Variants in CACNA1A observed in about 807,000 individuals in gnomAD.
CACNA1A encodes calcium voltage-gated channel subunit alpha1 A.
A neutral mutation model predicts 262.4 loss-of-function variants in CACNA1A; 57 were observed. The ratio of observed to expected loss-of-function variants is 0.22; its 90% CI spans 0.18 to 0.27. The LOEUF (loss-of-function observed/expected upper bound fraction) is 0.27. CACNA1A is among the 10% of genes least tolerant of loss of function. The pLI is 1.00. For missense variants in CACNA1A, 2,526 were observed against 3,562.8 expected (o/e 0.71, Z 7.41); for synonymous variants, 1,431 against 1,419.3 (o/e 1.01, Z -0.18).
intron 1 of CACNA1A, among the ~76,000 whole-genome samples, chr19:13,491,005 AAAGGAAGG>A (rs879736907): frequency 2.0e-5 from 3 of 150,200 alleles, no homozygotes; most frequent in South Asian, 2.1e-4. Context: ...AGGAAGGAAG[AAAGGAAGG>A]AAGGAAGGAA....
At position 13,245,316 on chromosome 19, in the gene CACNA1A, G is replaced by A. The variant is rs540046076; in HGVS notation, c.4867-51C>T. 326 of 1,467,878 alleles carry A rather than the reference G, an allele frequency of 2.2e-4. 1 individual carries two copies. In the Middle Eastern group the frequency reaches 2.9e-3, roughly 13 times the overall value. 90.9% of individuals were successfully genotyped at this position (1,467,878 alleles called of 1,614,324 possible). A position where few individuals can be genotyped will look rare whatever the true frequency, so the allele number is the denominator to read the frequency against. The stretch of plus-strand genomic sequence containing the variant: ...GATGCCAACAGAGGGCTTGGTTCCC[G>A]GCCCCCTAGGCTGGCCGGGTGCATG... On this transcript the variant is annotated intron_variant, in intron 30 of 46. Transcript: ENST00000360228.
intron 3 of CACNA1A, among the ~76,000 whole-genome samples, chr19:13,448,501 ATAAAAG>A (rs1248003313): frequency 1.3e-5 from 2 of 152,140 alleles, no homozygotes; most frequent in African/African-American, 4.8e-5. Context: ...TAAACTTAAA[ATAAAAG>A]TAAAACAAAA....
At chr19:13,419,077 T>C (rs192876740) in intron 3 of CACNA1A, among the ~76,000 whole-genome samples, 1 of 152,178 alleles carries the variant, frequency 6.6e-6, no homozygotes, top group East Asian at 1.9e-4. Flanking sequence ...CATTTTTCAG[T>C]AAAGAAGGAG....
intron 1 of CACNA1A, among the ~76,000 whole-genome samples, chr19:13,455,924 T>A (rs1015453788): frequency 6.9e-6 from 1 of 145,844 alleles, no homozygotes; most frequent in Non-Finnish European, 1.5e-5. Context: ...CTGCGGTGGG[T>A]GGATCACTTG....
At chr19:13,218,230 A>AAG (rs1568429800) in intron 38 of CACNA1A, among the ~76,000 whole-genome samples, 2 of 152,140 alleles carry the variant, frequency 1.3e-5, no homozygotes, top group Non-Finnish European at 2.9e-5. Flanking sequence ...AGCTGGGATT[A>AAG]CAGCCGCCCG....
chr19:13,317,891 C>T (rs764690106), intron 10 of CACNA1A, among the ~76,000 whole-genome samples: 6 of 152,296 alleles, frequency 3.9e-5, no homozygotes, highest in African/African-American at 1.4e-4. Flanking sequence ...GGCAACAGAG[C>T]CTGGACTTCC....
intron 19 of CACNA1A, among the ~76,000 whole-genome samples, chr19:13,288,522 C>T (rs1020383817): frequency 7.9e-5 from 12 of 152,058 alleles, no homozygotes; most frequent in African/African-American, 2.4e-4. Flanking sequence ...ATAGGCCTCC[C>T]TAAGTGCTGG....
At chr19:13,240,086 G>A (rs1487332043) in intron 31 of CACNA1A, among the ~76,000 whole-genome samples, 3 of 151,258 alleles carry the variant, frequency 2.0e-5, no homozygotes. Context: ...GGGAGGCAGA[G>A]GTTGCAGTTA....
At chr19:13,245,669 CTCTT>C (rs2056213561) in intron 30 of CACNA1A, 52 of 119,498 alleles carry the variant, frequency 4.4e-4, no homozygotes, top group South Asian at 1.8e-3. Context: ...TTCTTTCTTT[CTCTT>C]TTTTTTTTTT....
rs111538186 is a variant in CACNA1A, at chr19:13,326,904, G to GT, written c.1345+3339dup. 6.5e-3 allele frequency among the ~76,000 whole-genome samples: 934 copies of GT among 144,256 alleles called. 4 individuals are homozygous for GT. Among genetic ancestry groups the GT allele is most frequent in the Middle Eastern group, 0.011 (3 of 282 alleles). The allele number at this position is 144,256 out of a possible 152,430, so 94.6% of individuals were successfully genotyped here. A position where few individuals can be genotyped will look rare whatever the true frequency, so the allele number is the denominator to read the frequency against. On this transcript the variant is annotated intron_variant, in intron 10 of 46. Transcript: ENST00000360228. ...CATTACTGTATTATTACTTTTTTTTGTTTTTTTTTTTGAGATGAAGTCTCT... is the reference window on the plus strand; with the variant it reads ...CATTACTGTATTATTACTTTTTTTTGTTTTTTTTTTTTGAGATGAAGTCTCT...
At chr19:13,247,370 G>C (rs375102560) in intron 30 of CACNA1A, among the ~76,000 whole-genome samples, 1 of 152,192 alleles carries the variant, frequency 6.6e-6, no homozygotes, top group Non-Finnish European at 1.5e-5. Context: ...CCAACAGATG[G>C]GATGTTGTTG....
intron 38 of CACNA1A, among the ~76,000 whole-genome samples, chr19:13,218,474 A>G (rs2055102008): frequency 6.6e-6 from 1 of 152,234 alleles, no homozygotes; most frequent in Non-Finnish European, 1.5e-5. Context: ...GGGAGAATTA[A>G]GCGTTGTCTG....
At chr19:13,246,625 CTGTT>C (rs1433492551) in intron 30 of CACNA1A, among the ~76,000 whole-genome samples, 9 of 145,780 alleles carry the variant, frequency 6.2e-5, no homozygotes, top group Non-Finnish European at 1.2e-4. Context: ...CATAACCTCT[CTGTT>C]TGTTTTTTTT....
At chr19:13,395,822 C>A (rs2059801456) in intron 3 of CACNA1A, among the ~76,000 whole-genome samples, 1 of 151,614 alleles carries the variant, frequency 6.6e-6, no homozygotes, top group African/African-American at 2.4e-5. Flanking sequence ...CAAGGAGAAC[C>A]AAGAGAGCCC....
intron 1 of CACNA1A, among the ~76,000 whole-genome samples, chr19:13,462,801 C>T (rs1041968022): frequency 2.0e-5 from 3 of 152,038 alleles, no homozygotes; most frequent in African/African-American, 7.3e-5. Flanking sequence ...GCTCTGTTGC[C>T]CAGGGTGAAA....
chr19:13,403,662 G>A (rs1167364551), intron 3 of CACNA1A, among the ~76,000 whole-genome samples: 2 of 152,286 alleles, frequency 1.3e-5, no homozygotes, highest in East Asian at 3.9e-4. Context: ...GGACCTGGGT[G>A]CAGTGGCTCA....
chr19:13,432,634 G>A (rs1465475995), intron 3 of CACNA1A, among the ~76,000 whole-genome samples: 1 of 150,768 alleles, frequency 6.6e-6, no homozygotes, highest in African/African-American at 2.5e-5. Context: ...TAATGATAAC[G>A]TATTGTAGTG....
intron 3 of CACNA1A, among the ~76,000 whole-genome samples, chr19:13,427,350 G>A (rs1344981289): frequency 6.6e-6 from 1 of 152,060 alleles, no homozygotes; most frequent in Non-Finnish European, 1.5e-5. Flanking sequence ...TACTCAGGAG[G>A]CTGAGGCAGG....
At position 13,402,887 on chromosome 19, in the gene CACNA1A, T is replaced by TACAC. The variant is rs2059932284; in HGVS notation, c.540-31109_540-31108insGTGT. ...ACACACACACACATATATATATATATATATATATATATATATATATATATA... is the reference window on the plus strand; with the variant it reads ...ACACACACACACATATATATATATATACACATATATATATATATATATATATATA... On this transcript the variant is annotated intron_variant, in intron 3 of 46. Coordinates refer to ENST00000360228, the MANE Select transcript of CACNA1A (RefSeq NM_001127222.2). Among the ~76,000 whole-genome samples the TACAC allele has an allele frequency of 4.2e-5, 4 of 94,860 alleles. No homozygotes were observed. The Admixed American group carries it at 5.0e-4, about 12-fold the overall frequency. The allele number at this position is 94,860 out of a possible 152,430, so 62.2% of individuals were successfully genotyped here. A position where few individuals can be genotyped will look rare whatever the true frequency, so the allele number is the denominator to read the frequency against.
Sources: allele counts gnomAD v4.1 joint callset (sites outside exome capture counted in the v4.1 genomes callset), GRCh38; gene constraint gnomAD v4.1.1; transcripts MANE v1.5; gene names NCBI Gene and HGNC (gene_info 2026-07-23, HGNC 2026-07-21).